The following RBMS3 variants were observed in gnomAD, a reference collection of about 807,000 sequenced individuals.
RBMS3 encodes RNA-binding motif, single-stranded-interacting protein 3.
RBMS3 carries 27 observed loss-of-function variants against 66.8 expected under a neutral mutation model. The ratio of observed to expected loss-of-function variants is 0.40; its 90% CI spans 0.30 to 0.56. The LOEUF (loss-of-function observed/expected upper bound fraction) is 0.56. Among genes scored for constraint, RBMS3 ranks in the 20% least tolerant of loss-of-function variants. The pLI is 0.40. For missense variants in RBMS3, 513 were observed against 549.5 expected (o/e 0.93, Z 0.66); for synonymous variants, 188 against 183.0 (o/e 1.03, Z -0.22).
chr3:29,519,753 A>G (rs1251028247), intron 3 of RBMS3, among the ~76,000 whole-genome samples: 4 of 152,138 alleles, frequency 2.6e-5, no homozygotes, highest in Admixed American at 6.5e-5. Flanking sequence ...TCCCCCCAAA[A>G]TAGTATCAAA....
chr3:29,534,537 C>T (rs1321555512), intron 3 of RBMS3, among the ~76,000 whole-genome samples: 1 of 152,158 alleles, frequency 6.6e-6, no homozygotes, highest in East Asian at 1.9e-4. Context: ...AGATAATTTA[C>T]ATCTGTTAAA....
At chr3:29,324,112 T>A (rs2035178155) in intron 1 of RBMS3, among the ~76,000 whole-genome samples, 1 of 152,184 alleles carries the variant, frequency 6.6e-6, no homozygotes. Context: ...AGGAATTCAC[T>A]GGAGTGGGAA....
chr3:29,811,466 G>A (rs895091217), intron 6 of RBMS3, among the ~76,000 whole-genome samples: 1 of 152,064 alleles, frequency 6.6e-6, no homozygotes, highest in African/African-American at 2.4e-5. Flanking sequence ...CCTTCTATAA[G>A]CTGGGTTCTA....
intron 12 of RBMS3, among the ~76,000 whole-genome samples, chr3:29,951,698 T>A (rs1473006021): frequency 6.6e-6 from 1 of 151,634 alleles, no homozygotes; most frequent in Non-Finnish European, 1.5e-5. Context: ...AAGAAAGGAG[T>A]CTTTTTAAAT....
intron 2 of RBMS3, among the ~76,000 whole-genome samples, chr3:29,448,100 G>T (rs780697228): frequency 3.0e-4 from 45 of 152,064 alleles, no homozygotes; most frequent in Non-Finnish European, 5.7e-4. Context: ...TGACCTGCAT[G>T]TCTCAACACA....
At chr3:29,885,417 C>A (rs1278131098) in intron 8 of RBMS3, among the ~76,000 whole-genome samples, 2 of 151,702 alleles carry the variant, frequency 1.3e-5, no homozygotes, top group African/African-American at 4.8e-5. Context: ...AGAAGAAAGT[C>A]CTCTAGAATT....
At chr3:29,596,988 A>G (rs1057280961) in intron 4 of RBMS3, among the ~76,000 whole-genome samples, 14 of 152,318 alleles carry the variant, frequency 9.2e-5, no homozygotes, top group African/African-American at 3.1e-4. Flanking sequence ...CTGAGCTCAC[A>G]AACAATGGTT....
At chr3:29,848,788 T>A (rs2058854380) in intron 6 of RBMS3, among the ~76,000 whole-genome samples, 1 of 152,198 alleles carries the variant, frequency 6.6e-6, no homozygotes, top group Non-Finnish European at 1.5e-5. Context: ...TGTTTGTTTT[T>A]AAACAGACTT....
intron 12 of RBMS3, among the ~76,000 whole-genome samples, chr3:29,949,777 A>T (rs61182988): frequency 0.019 from 2,935 of 151,632 alleles, 106 homozygotes; most frequent in African/African-American, 0.068. Flanking sequence ...TTCATTATAT[A>T]TTGGTCTTTT....
chr3:29,991,707 T>TAA (rs141896449), intron 14 of RBMS3: 11 of 147,948 alleles, frequency 7.4e-5, no homozygotes, highest in Non-Finnish European at 1.5e-4. Flanking sequence ...CTGCAGCCAT[T>TAA]AAAAAAAAAA....
rs961238659 is a variant in RBMS3 at position 29,815,839 on chromosome 3, A to T, written c.637+52850A>T. The stretch of plus-strand genomic sequence containing the variant: ...AAAGACTACACATTGGGTATAGTGT[A>T]CACTGCTTGGGTGATGGGTGCACCA... On this transcript the variant is annotated intron_variant, in intron 6 of 14. Transcript: ENST00000383767. 2.6e-5 allele frequency among the ~76,000 whole-genome samples: 4 copies of T among 152,126 alleles called. No individual in the cohort carries two copies. In the East Asian group the frequency reaches 7.7e-4, roughly 29 times the overall value.
chr3:29,303,699 G>A (rs1342555593), intron 1 of RBMS3, among the ~76,000 whole-genome samples: 1 of 151,946 alleles, frequency 6.6e-6, no homozygotes, highest in Non-Finnish European at 1.5e-5. Flanking sequence ...CGCAATAACA[G>A]ACACAAAACA....
chr3:29,931,259 T>C (rs553502727), intron 10 of RBMS3, among the ~76,000 whole-genome samples: 12 of 152,176 alleles, frequency 7.9e-5, no homozygotes, highest in Admixed American at 2.0e-4. Context: ...TGTATAAACA[T>C]AATGTCTTCC....
intron 4 of RBMS3, among the ~76,000 whole-genome samples, chr3:29,647,686 A>G (rs2049979667): frequency 6.6e-6 from 1 of 152,228 alleles, no homozygotes; most frequent in South Asian, 2.1e-4. Flanking sequence ...CATCTTAAAT[A>G]CATGTGTAGG....
chr3:29,645,886 A>G (rs1177642797), intron 4 of RBMS3, among the ~76,000 whole-genome samples: 2 of 152,224 alleles, frequency 1.3e-5, no homozygotes, highest in Non-Finnish European at 2.9e-5. Flanking sequence ...ACCCACCCAT[A>G]TAGATAGCCT....
intron 1 of RBMS3, among the ~76,000 whole-genome samples, chr3:29,433,756 T>A (rs963381401): frequency 6.6e-6 from 1 of 152,176 alleles, no homozygotes; most frequent in Non-Finnish European, 1.5e-5. Context: ...TAAATATATA[T>A]CTATGAATTC....
In RBMS3 at chr3:29,741,369, C is replaced by T. The variant is rs949569127; in HGVS notation, c.557+1492C>T. 2.6e-5 allele frequency among the ~76,000 whole-genome samples: 4 copies of T among 152,310 alleles called. No homozygotes were observed. In the East Asian group the frequency reaches 7.7e-4, roughly 29 times the overall value. On this transcript the variant is annotated intron_variant, in intron 5 of 14. Coordinates refer to ENST00000383767, the MANE Select transcript of RBMS3 (RefSeq NM_001003793.3). ...GGCCAAGGCAGAGCTTATGACACTACTTGGATCTCTGAATTTAGCCAATGC... is the reference window on the plus strand; with the variant it reads ...GGCCAAGGCAGAGCTTATGACACTATTTGGATCTCTGAATTTAGCCAATGC...
At chr3:29,469,685 G>T (rs965525372) in intron 2 of RBMS3, among the ~76,000 whole-genome samples, 5 of 141,704 alleles carry the variant, frequency 3.5e-5, no homozygotes, top group South Asian at 2.2e-4. Context: ...ATATACATAC[G>T]TATAAGAAAA....
chr3:29,662,382 G>A (rs1045785186), intron 4 of RBMS3, among the ~76,000 whole-genome samples: 2 of 152,078 alleles, frequency 1.3e-5, no homozygotes, highest in African/African-American at 4.8e-5. Context: ...ATAAATAAAT[G>A]TTTAATATTT....
Sources: gnomAD v4.1 joint callset for allele counts (sites outside exome capture counted in the v4.1 genomes callset) on GRCh38, gnomAD v4.1.1 for gene constraint, MANE v1.5 for transcripts, NCBI Gene and HGNC (gene_info 2026-07-23, HGNC 2026-07-21) for gene names.